JAZF1: variants seen among roughly 807,000 people sequenced by gnomAD.
JAZF1 encodes JAZF zinc finger 1.
In JAZF1, 8 loss-of-function variants were observed where a neutral mutation model predicts 26.4. The ratio of observed to expected loss-of-function variants is 0.30; its 90% CI spans 0.18 to 0.55. The LOEUF (loss-of-function observed/expected upper bound fraction) is 0.55. Among genes scored for constraint, JAZF1 ranks in the 20% least tolerant of loss-of-function variants. The probability of loss-of-function intolerance (pLI) is 0.94; values close to 1 mark genes in which losing one functional copy is unlikely to be tolerated. For synonymous variants in JAZF1, 126 were observed against 122.3 expected (o/e 1.03, Z -0.20); for missense variants, 199 against 322.0 (o/e 0.62, Z 2.92).
chr7:28,082,427 C>T (rs771975224), intron 1 of JAZF1, among the ~76,000 whole-genome samples: 1 of 152,146 alleles, frequency 6.6e-6, no homozygotes, highest in African/African-American at 2.4e-5. Context: ...CTCTGTCCAC[C>T]CTTGGTGAGT....
chr7:27,880,322 GC>G (rs1450705252), intron 3 of JAZF1, among the ~76,000 whole-genome samples: 5 of 152,190 alleles, frequency 3.3e-5, no homozygotes, highest in Non-Finnish European at 5.9e-5. Context: ...AGAAAACAGA[GC>G]CCTATAGATT....
intron 1 of JAZF1, among the ~76,000 whole-genome samples, chr7:28,119,548 C>A (rs991466027): frequency 7.9e-5 from 12 of 152,162 alleles, no homozygotes; most frequent in African/African-American, 2.6e-4. Flanking sequence ...TATTTCAGAC[C>A]CTCCCCATGA....
At chr7:27,887,441 A>C (rs922756475) in intron 3 of JAZF1, among the ~76,000 whole-genome samples, 1 of 151,942 alleles carries the variant, frequency 6.6e-6, no homozygotes, top group Non-Finnish European at 1.5e-5. Context: ...TTTGAGATGA[A>C]GTATCACTCT....
intron 1 of JAZF1, among the ~76,000 whole-genome samples, chr7:27,994,178 A>T (rs1360973068): frequency 6.6e-6 from 1 of 152,210 alleles, no homozygotes; most frequent in Non-Finnish European, 1.5e-5. Flanking sequence ...GGAAGGAAGT[A>T]TCTTATACAA....
intron 3 of JAZF1, among the ~76,000 whole-genome samples, chr7:27,892,671 A>G (rs2128341569): frequency 6.6e-6 from 1 of 152,328 alleles, no homozygotes; most frequent in East Asian, 1.9e-4. Context: ...CCTTAGATTT[A>G]CAACATAAAT....
chr7:27,957,114 A>G (rs1247245374), intron 2 of JAZF1, among the ~76,000 whole-genome samples: 1 of 152,106 alleles, frequency 6.6e-6, no homozygotes, highest in Non-Finnish European at 1.5e-5. Flanking sequence ...GACCTGACAT[A>G]GGAATCATCT....
intron 1 of JAZF1, among the ~76,000 whole-genome samples, chr7:28,148,006 C>T (rs1412566506): frequency 1.3e-5 from 2 of 152,078 alleles, no homozygotes; most frequent in African/African-American, 2.4e-5. Flanking sequence ...TATCCCCATG[C>T]AACTGGGTTT....
intron 3 of JAZF1, among the ~76,000 whole-genome samples, chr7:27,846,765 C>T (rs6462055): frequency 0.39 from 58,847 of 151,852 alleles, 11,912 homozygotes; most frequent in East Asian, 0.64. Context: ...TGGAAAAATG[C>T]CTATCCAGGT....
At chr7:28,087,593 G>A (rs1165329738) in intron 1 of JAZF1, among the ~76,000 whole-genome samples, 1 of 152,040 alleles carries the variant, frequency 6.6e-6, no homozygotes, top group Non-Finnish European at 1.5e-5. Flanking sequence ...ATTTTCTGAG[G>A]GGAAAAAGGA....
intron 4 of JAZF1, among the ~76,000 whole-genome samples, chr7:27,837,765 C>T (rs1400594481): frequency 6.6e-6 from 1 of 152,166 alleles, no homozygotes; most frequent in Non-Finnish European, 1.5e-5. Context: ...CCTCTTTGCC[C>T]TAAGGACTCT....
At chr7:28,067,353 T>C (rs902690361) in intron 1 of JAZF1, among the ~76,000 whole-genome samples, 6 of 152,206 alleles carry the variant, frequency 3.9e-5, no homozygotes, top group African/African-American at 1.4e-4. Context: ...GTGGAATCTT[T>C]ATCTCTCCAT....
chr7:28,167,168 T>C (rs570120527), intron 1 of JAZF1, among the ~76,000 whole-genome samples: 2 of 152,318 alleles, frequency 1.3e-5, no homozygotes, highest in East Asian at 1.9e-4. Flanking sequence ...AGCTGAGGGC[T>C]ACAGGAATTA....
At chr7:28,056,349 G>A (rs562054861) in intron 1 of JAZF1, among the ~76,000 whole-genome samples, 1 of 151,896 alleles carries the variant, frequency 6.6e-6, no homozygotes, top group Non-Finnish European at 1.5e-5. Flanking sequence ...TCCTGGGAGC[G>A]CAAGTCTTTA....
chr7:27,974,137 G>A (rs548813189), intron 2 of JAZF1, among the ~76,000 whole-genome samples: 15 of 152,150 alleles, frequency 9.9e-5, no homozygotes, highest in African/African-American at 3.6e-4. Flanking sequence ...ATAAAATAAC[G>A]GGCCTGGCAC....
chr7:27,983,690 C>G (rs1325049502), intron 2 of JAZF1, among the ~76,000 whole-genome samples: 1 of 152,140 alleles, frequency 6.6e-6, no homozygotes, highest in African/African-American at 2.4e-5. Context: ...ATAATAAGGG[C>G]AGCCAGAGAG....
chr7:28,032,318 T>C (rs1295697639), intron 1 of JAZF1, among the ~76,000 whole-genome samples: 1 of 152,218 alleles, frequency 6.6e-6, no homozygotes. Flanking sequence ...ATATGGACTC[T>C]GAAAATACTA....
At chr7:28,092,868 AAAAG>A (rs1463175598) in intron 1 of JAZF1, among the ~76,000 whole-genome samples, 5 of 152,060 alleles carry the variant, frequency 3.3e-5, no homozygotes, top group Non-Finnish European at 7.4e-5. Context: ...TTCGAAAAAA[AAAAG>A]AAAGAAAGAA....
At chr7:27,945,058 G>A (rs1339255220) in intron 2 of JAZF1, among the ~76,000 whole-genome samples, 1 of 152,000 alleles carries the variant, frequency 6.6e-6, no homozygotes, top group East Asian at 1.9e-4. Context: ...CAGGAAAACA[G>A]TTCTTCTATC....
At chr7:27,880,821 C>A (rs1004761538) in intron 3 of JAZF1, among the ~76,000 whole-genome samples, 4 of 152,082 alleles carry the variant, frequency 2.6e-5, no homozygotes, top group African/African-American at 9.7e-5. Flanking sequence ...CATGCCACTG[C>A]ACCTGGCTAA....
Sources: allele counts gnomAD v4.1 joint callset (sites outside exome capture counted in the v4.1 genomes callset), GRCh38; gene constraint gnomAD v4.1.1; transcripts MANE v1.5; gene names NCBI Gene and HGNC (gene_info 2026-07-23, HGNC 2026-07-21).